The following KIRREL3 variants were observed in gnomAD, a reference collection of about 807,000 sequenced individuals.
The protein encoded by KIRREL3 is kirre like nephrin family adhesion molecule 3.
Under a neutral mutation model 89.7 loss-of-function variants are expected in KIRREL3, and 36 were observed. The observed-to-expected ratio is 0.40, with a 90% CI of 0.31 to 0.53. KIRREL3 has a LOEUF of 0.53. Among genes scored for constraint, KIRREL3 ranks in the 20% least tolerant of loss-of-function variants. KIRREL3 has a pLI of 0.49. For synonymous variants in KIRREL3, 445 were observed against 441.4 expected (o/e 1.01, Z -0.10); for missense variants, 864 against 1,056.6 (o/e 0.82, Z 2.53).
At position 126,976,724 on chromosome 11, in the gene KIRREL3, G is replaced by A. The variant is rs559950031; in HGVS notation, c.55+23731C>T. Among the ~76,000 whole-genome samples the A allele has an allele frequency of 1.2e-4, 18 of 152,156 alleles. No homozygotes were observed. The highest frequency in any genetic ancestry group is 1.9e-4 in the East Asian group (1 of 5,176). On this transcript the variant is annotated intron_variant, in intron 1 of 16. Transcript: ENST00000525144. The surrounding 1 kb of genome is among the most constrained non-coding windows in gnomAD (Gnocchi z 4.2). ...TCAGATAATATGCTGTACTTGCAGC[G>A]TATCATTTAATCTACTTAACAAATC... is the stretch of plus-strand genomic sequence containing the variant.
At position 126,918,699 on chromosome 11, in the gene KIRREL3, C is replaced by T. The variant is rs1353393879; in HGVS notation, c.55+81756G>A. ...TTCTTCATCTCTGTGACATGGCAGA[C>T]ATTACTAATCAAGGATAGTTCCCCT... is the stretch of plus-strand genomic sequence containing the variant. On this transcript the variant is annotated intron_variant, in intron 1 of 16. Coordinates refer to ENST00000525144, the MANE Select transcript of KIRREL3 (RefSeq NM_032531.4). This position sits in a 1 kb window ranked among gnomAD's most constrained non-coding sequence, Gnocchi z 6.5. Among the ~76,000 whole-genome samples, 1 of 152,160 alleles carries T rather than the reference C, an allele frequency of 6.6e-6. No homozygotes were observed. The highest frequency in any genetic ancestry group is 2.4e-5 in the African/African-American group (1 of 41,432).
rs1958800422 is a variant in KIRREL3 at position 126,527,545 on chromosome 11, T to G, written c.134-858A>C. On this transcript the variant is annotated intron_variant, in intron 2 of 16. Coordinates refer to ENST00000525144, the MANE Select transcript of KIRREL3 (RefSeq NM_032531.4). The surrounding 1 kb of genome is among the most constrained non-coding windows in gnomAD (Gnocchi z 4.2). The stretch of plus-strand genomic sequence containing the variant: ...ATAGTAGGCACTATTTTTATCCCCA[T>G]TTTCCAGATGGGAAAATGAGGCACA... 6.6e-6 allele frequency among the ~76,000 whole-genome samples: 1 copy of G among 152,196 alleles called. No homozygotes were observed. The highest frequency in any genetic ancestry group is 2.1e-4 in the South Asian group (1 of 4,830).
At chr11:126,777,228 A>G (rs1403315105) in intron 1 of KIRREL3, among the ~76,000 whole-genome samples, 1 of 152,232 alleles carries the variant, frequency 6.6e-6, no homozygotes, top group African/African-American at 2.4e-5. Flanking sequence ...GGGAGGCTGC[A>G]GACATCCTAC....
chr11:126,603,252 AT>A (rs1395427014), intron 1 of KIRREL3, among the ~76,000 whole-genome samples: 1 of 152,238 alleles, frequency 6.6e-6, no homozygotes, highest in Non-Finnish European at 1.5e-5. Flanking sequence ...TTGAATACCG[AT>A]GGGCAGGCAA....
At chr11:126,960,188 A>T (rs1179408740) in intron 1 of KIRREL3, among the ~76,000 whole-genome samples, 1 of 152,194 alleles carries the variant, frequency 6.6e-6, no homozygotes, top group Non-Finnish European at 1.5e-5. Flanking sequence ...ATAGAAGTCA[A>T]TTTGTTTGCC....
Position 126,645,642 on chromosome 11 carries a change from A to G in KIRREL3, c.56-82730T>C, listed in dbSNP as rs576696769. Among the ~76,000 whole-genome samples, 23 of 152,332 alleles carry G rather than the reference A, an allele frequency of 1.5e-4. No homozygotes were observed. In the South Asian group the frequency reaches 4.6e-3, roughly 30 times the overall value. Reference sequence around the variant, plus strand: ...AAATTCTAGGTTTCTGAAGAAGAAAAGGTAAGAAGGACTCTCAAAGCCTTT... The same window carrying G: ...AAATTCTAGGTTTCTGAAGAAGAAAGGGTAAGAAGGACTCTCAAAGCCTTT... On this transcript the variant is annotated intron_variant, in intron 1 of 16. Transcript: ENST00000525144. This position sits in a 1 kb window ranked among gnomAD's most constrained non-coding sequence, Gnocchi z 4.9.
intron 1 of KIRREL3, among the ~76,000 whole-genome samples, chr11:126,700,358 C>T (rs1947267661): frequency 1.3e-5 from 2 of 152,190 alleles, no homozygotes; most frequent in Admixed American, 1.3e-4. Context: ...CAGCGTACCA[C>T]CTTATTTTCC....
intron 1 of KIRREL3, among the ~76,000 whole-genome samples, chr11:126,836,094 GTTC>G (rs1943771534): frequency 6.6e-6 from 1 of 152,206 alleles, no homozygotes; most frequent in African/African-American, 2.4e-5. Flanking sequence ...GCTTTCCTGT[GTTC>G]TTCTTCCTGT....
intron 1 of KIRREL3, among the ~76,000 whole-genome samples, chr11:126,865,389 T>TA (rs1944885563): frequency 6.6e-6 from 1 of 152,210 alleles, no homozygotes; most frequent in South Asian, 2.1e-4. Flanking sequence ...TCTGTACCAA[T>TA]AGGGTTTGCT....
At position 126,561,432 on chromosome 11, in the gene KIRREL3, C is replaced by T. The variant is rs938782777; in HGVS notation, c.133+1403G>A. ...TTCCCCAATCCCTACAAACCTCTTT[C>T]GAGCTTCTCTAATGAGCATCGCCAG... is the stretch of plus-strand genomic sequence containing the variant. On this transcript the variant is annotated intron_variant, in intron 2 of 16. Transcript: ENST00000525144. This position sits in a 1 kb window ranked among gnomAD's most constrained non-coding sequence, Gnocchi z 4.5. Among the ~76,000 whole-genome samples the T allele has an allele frequency of 3.3e-5, 5 of 152,218 alleles. No homozygotes were observed. The highest frequency in any genetic ancestry group is 9.6e-5 in the African/African-American group (4 of 41,454).
At position 126,897,524 on chromosome 11, in the gene KIRREL3, C is replaced by T. The variant is rs1234669305; in HGVS notation, c.55+102931G>A. The stretch of plus-strand genomic sequence containing the variant: ...AACACCACCCCCAAAAGGAGTAGAA[C>T]AGGAAACCAGCTCCCACAGAGGGTT... On this transcript the variant is annotated intron_variant, in intron 1 of 16. Transcript: ENST00000525144. The surrounding 1 kb of genome is among the most constrained non-coding windows in gnomAD (Gnocchi z 4.2). Among the ~76,000 whole-genome samples the T allele has an allele frequency of 3.3e-5, 5 of 152,272 alleles. No individual in the cohort carries two copies. In the East Asian group the frequency reaches 5.8e-4, roughly 18 times the overall value.
rs1266212138 is a variant in KIRREL3, at chr11:126,710,335, CA to C, written c.56-147424del. Among the ~76,000 whole-genome samples, 19 of 152,186 alleles carry C rather than the reference CA, an allele frequency of 1.2e-4. No individual in the cohort carries two copies. The highest frequency in any genetic ancestry group is 4.3e-4 in the African/African-American group (18 of 41,452). ...GAGGAGAGAAGGGAGATAGCTAGCTCAGTGTGGCACCCCATTCTTCCCATTG... is the reference window on the plus strand; with the variant it reads ...GAGGAGAGAAGGGAGATAGCTAGCTCGTGTGGCACCCCATTCTTCCCATTG... On this transcript the variant is annotated intron_variant, in intron 1 of 16. Coordinates refer to ENST00000525144, the MANE Select transcript of KIRREL3 (RefSeq NM_032531.4). The surrounding 1 kb of genome is among the most constrained non-coding windows in gnomAD (Gnocchi z 4.2).
At chr11:126,868,353 G>A (rs1055899887) in intron 1 of KIRREL3, among the ~76,000 whole-genome samples, 4 of 152,192 alleles carry the variant, frequency 2.6e-5, no homozygotes, top group Admixed American at 6.5e-5. Flanking sequence ...GTAGATCGAT[G>A]TGGGTCGTCA....
chr11:126,625,905 C>T (rs1323928359), intron 1 of KIRREL3, among the ~76,000 whole-genome samples: 2 of 152,192 alleles, frequency 1.3e-5, no homozygotes, highest in Non-Finnish European at 2.9e-5. Flanking sequence ...TAATGACAGC[C>T]TTCCTATTGA....
intron 5 of KIRREL3, among the ~76,000 whole-genome samples, chr11:126,472,682 G>C (rs1956927083): frequency 7.2e-6 from 1 of 138,712 alleles, no homozygotes; most frequent in Non-Finnish European, 1.5e-5. Context: ...GTCTTCCCCA[G>C]CAGTTACCCT....
chr11:126,573,536 A>C (rs1941088624), intron 1 of KIRREL3, among the ~76,000 whole-genome samples: 2 of 146,748 alleles, frequency 1.4e-5, no homozygotes, highest in South Asian at 4.6e-4. Context: ...CGGAAAAGGC[A>C]GGGAACCCCG....
At chr11:126,920,661 A>G (rs1189374791) in intron 1 of KIRREL3, 2 of 152,022 alleles carry the variant, frequency 1.3e-5, no homozygotes, top group African/African-American at 4.8e-5. Flanking sequence ...CTCATTTTAA[A>G]CTTCCTCTTT....
At position 126,748,762 on chromosome 11, in the gene KIRREL3, C is replaced by T. The variant is rs375897029; in HGVS notation, c.56-185850G>A. On this transcript the variant is annotated intron_variant, in intron 1 of 16. Transcript: ENST00000525144. The surrounding 1 kb of genome is among the most constrained non-coding windows in gnomAD (Gnocchi z 4.6). ...ATCCATCGCTGTGATAAAAGCCTCT[C>T]TGCCCACCGAAACTGTGCATGGGAT... Among the ~76,000 whole-genome samples, 3 of 152,192 alleles carry T rather than the reference C, an allele frequency of 2.0e-5. No homozygotes were observed. In the East Asian group the frequency reaches 5.8e-4, roughly 29 times the overall value.
rs536000709 is a variant in KIRREL3 at position 126,652,820 on chromosome 11, G to A, written c.56-89908C>T. The A allele has an allele frequency of 5.3e-5, 8 of 152,256 alleles. No homozygotes were observed. The East Asian group carries it at 1.5e-3, about 29-fold the overall frequency. 9.4% of individuals were successfully genotyped at this position (152,256 alleles called of 1,614,324 possible). On this transcript the variant is annotated intron_variant, in intron 1 of 16. Transcript: ENST00000525144. The surrounding 1 kb of genome is among the most constrained non-coding windows in gnomAD (Gnocchi z 4.9). ...CAGAGGCCTTTCAACTTTCCTCCCTGAGATCTTCCTCCGTGAACCAACAAC... is the reference window on the plus strand; with the variant it reads ...CAGAGGCCTTTCAACTTTCCTCCCTAAGATCTTCCTCCGTGAACCAACAAC...
Sources: gnomAD v4.1 joint callset for allele counts (sites outside exome capture counted in the v4.1 genomes callset) on GRCh38, gnomAD v4.1.1 for gene constraint, Gnocchi (gnomAD v3.1) non-coding constraint, MANE v1.5 for transcripts, NCBI Gene and HGNC (gene_info 2026-07-23, HGNC 2026-07-21) for gene names.